The following BACH1 variants were observed in gnomAD, a reference collection of about 807,000 sequenced individuals.
BACH1 encodes the protein BTB domain and CNC homolog 1.
In BACH1, 35 loss-of-function variants were observed where a neutral mutation model predicts 52.9. That is an observed-to-expected ratio of 0.66 (90% CI 0.51 to 0.88). The LOEUF (loss-of-function observed/expected upper bound fraction) is 0.88. Ranked by LOEUF, BACH1 falls within the 40% of genes least tolerant of loss-of-function variation. The pLI is 0.00. For missense variants in BACH1, 808 were observed against 872.6 expected (o/e 0.93, Z 0.93); for synonymous variants, 321 against 319.6 (o/e 1.00, Z -0.05).
chr21:29,342,439 T>C lies in BACH1; in HGVS notation c.1817T>C (p.Ile606Thr). The C allele has an allele frequency of 6.2e-7, 1 of 1,614,136 alleles. No homozygotes were observed. ...AGCTTGTTGAAGGAAAGAGATCACA[T>C]TTTGTCAACTCTGGGTGAGACAAAG... ...KESLLKERDH[I>T]LSTLGETKQN... The change falls in exon 5 of 5, where the codon ATT (isoleucine) becomes ACT (threonine). Residue 606 changes from isoleucine (I) to threonine (T), a missense_variant. Coordinates refer to ENST00000286800, the MANE Select transcript of BACH1 (RefSeq NM_001186.4).
chr21:29,354,619 T>C (rs1441032823), intron 2 of BACH1, among the ~76,000 whole-genome samples: 5 of 152,220 alleles, frequency 3.3e-5, no homozygotes, highest in Non-Finnish European at 5.9e-5. Flanking sequence ...GGTTCCTTTC[T>C]TGAACAACAG....
chr21:29,341,707 A>G (rs192717456), intron 4 of BACH1, among the ~76,000 whole-genome samples: 6 of 152,346 alleles, frequency 3.9e-5, no homozygotes, highest in Admixed American at 3.3e-4. Context: ...GTCTCTAGGC[A>G]TCTTAAATTC....
intron 1 of BACH1, among the ~76,000 whole-genome samples, chr21:29,307,547 A>G (rs1460134900): frequency 6.6e-6 from 1 of 152,206 alleles, no homozygotes; most frequent in African/African-American, 2.4e-5. Flanking sequence ...TATTAAATAC[A>G]ATAGATATTT....
chr21:29,353,009 A>C (rs1347630764), intron 2 of BACH1, among the ~76,000 whole-genome samples: 1 of 151,938 alleles, frequency 6.6e-6, no homozygotes, highest in Non-Finnish European at 1.5e-5. Context: ...CACTGTGTCC[A>C]GCCTAATTTT....
chr21:29,317,947 A>G (rs145546520), intron 1 of BACH1, among the ~76,000 whole-genome samples: 137 of 152,088 alleles, frequency 9.0e-4, no homozygotes, highest in African/African-American at 3.2e-3. Context: ...CAGAGCTGGG[A>G]TTTGAACCCA....
At chr21:29,336,271 C>T (rs2089042826) in intron 4 of BACH1, among the ~76,000 whole-genome samples, 1 of 152,136 alleles carries the variant, frequency 6.6e-6, no homozygotes, top group Admixed American at 6.5e-5. Context: ...GTCATTTCTC[C>T]ATCCCTTTAC....
chr21:29,334,104 T>C (rs1361513257), intron 4 of BACH1, among the ~76,000 whole-genome samples: 1 of 151,688 alleles, frequency 6.6e-6, no homozygotes, highest in East Asian at 1.9e-4. Flanking sequence ...TTTTTTTTAT[T>C]TTTTTTATTT....
chr21:29,308,549 T>C (rs2088684685), intron 1 of BACH1, among the ~76,000 whole-genome samples: 2 of 152,130 alleles, frequency 1.3e-5, no homozygotes, highest in South Asian at 2.1e-4. Context: ...TGTGAGTTGG[T>C]GTATAGTTAG....
chr21:29,355,137 G>T (rs1393113047), intron 2 of BACH1, among the ~76,000 whole-genome samples: 1 of 152,170 alleles, frequency 6.6e-6, no homozygotes, highest in Admixed American at 6.5e-5. Flanking sequence ...CTGCTGATTG[G>T]TCCATTTTAC....
intron 2 of BACH1, among the ~76,000 whole-genome samples, chr21:29,355,906 T>G (rs182783984): frequency 5.9e-5 from 9 of 152,270 alleles, no homozygotes; most frequent in African/African-American, 2.2e-4. Context: ...TATCCCTGAC[T>G]GATTAGTGTA....
intron 2 of BACH1, among the ~76,000 whole-genome samples, chr21:29,352,883 T>C (rs967553538): frequency 8.5e-5 from 13 of 152,132 alleles, no homozygotes; most frequent in Non-Finnish European, 1.8e-4. Flanking sequence ...GGCTAATTTT[T>C]GTATTTTTTA....
intron 2 of BACH1, chr21:29,358,901 C>G (rs1387992638): frequency 6.6e-6 from 1 of 151,844 alleles, no homozygotes; most frequent in Non-Finnish European, 1.5e-5. Flanking sequence ...GGGAGTGAAA[C>G]TGGCATTCTA....
Position 29,324,231 on chromosome 21 carries a change from C to CAA in BACH1, c.235-1808_235-1807dup, listed in dbSNP as rs35915821. ...TGGGTGACAGAGAGAGACTCTGCCT[C>CAA]AAAAAAAAAAAAAAAAAAAAAGGAA... On this transcript the variant is annotated intron_variant, in intron 2 of 4. Transcript: ENST00000286800. Among the ~76,000 whole-genome samples, 132 of 63,098 alleles carry CAA rather than the reference C, an allele frequency of 2.1e-3. 2 individuals carry two copies. The highest frequency in any genetic ancestry group is 0.012 in the Middle Eastern group (1 of 86). The allele number at this position is 63,098 out of a possible 152,430, so 41.4% of individuals were successfully genotyped here. A position where few individuals can be genotyped will look rare whatever the true frequency, so the allele number is the denominator to read the frequency against.
intron 2 of BACH1, among the ~76,000 whole-genome samples, chr21:29,354,192 G>A (rs1229834624): frequency 2.6e-5 from 4 of 152,232 alleles, no homozygotes; most frequent in African/African-American, 7.2e-5. Context: ...GATGTTTGGT[G>A]TGGTTGCATG....
At chr21:29,299,180 C>A (rs1467038833) in intron 1 of BACH1, among the ~76,000 whole-genome samples, 1 of 151,552 alleles carries the variant, frequency 6.6e-6, no homozygotes, top group African/African-American at 2.4e-5. Context: ...GGCGTCCCGT[C>A]GGCGGCCGAA....
Position 29,321,384 on chromosome 21 carries a change from A to C in BACH1, c.104A>C (p.Asp35Ala). ...NDQRKKDVLC[D>A]VTIFVEGQRF... is the part of the protein sequence containing the mutation. Reference sequence around the variant, plus strand: ...CAGCGGAAGAAAGATGTGCTGTGCGATGTCACCATCTTTGTGGAGGGACAG... The same window carrying C: ...CAGCGGAAGAAAGATGTGCTGTGCGCTGTCACCATCTTTGTGGAGGGACAG... The change falls in exon 2 of 5, where the codon GAT becomes GCT. Residue 35 changes from aspartate to alanine, a missense_variant. Physicochemically the swap from Asp to Ala is moderately radical, Grantham distance 126. Transcript: ENST00000286800. The C allele has an allele frequency of 1.2e-6, 2 of 1,614,232 alleles. No homozygotes were observed. The highest frequency in any genetic ancestry group is 1.7e-6 in the Non-Finnish European group (2 of 1,180,042).
chr21:29,340,449 G>A (rs1188700327), intron 4 of BACH1, among the ~76,000 whole-genome samples: 1 of 152,156 alleles, frequency 6.6e-6, no homozygotes, highest in Non-Finnish European at 1.5e-5. Context: ...TGGGAGGAGT[G>A]AGAGTATTTA....
At chr21:29,300,371 C>A (rs1487035270) in intron 1 of BACH1, among the ~76,000 whole-genome samples, 1 of 152,200 alleles carries the variant, frequency 6.6e-6, no homozygotes, top group South Asian at 2.1e-4. Flanking sequence ...TGCAAATACT[C>A]TCATCACATG....
At chr21:29,319,009 C>T (rs2123430975) in intron 1 of BACH1, among the ~76,000 whole-genome samples, 1 of 152,250 alleles carries the variant, frequency 6.6e-6, no homozygotes, top group South Asian at 2.1e-4. Context: ...AATTCTCCAT[C>T]TTTGTCTTAT....
Sources: allele counts gnomAD v4.1 joint callset (sites outside exome capture counted in the v4.1 genomes callset), GRCh38; gene constraint gnomAD v4.1.1; transcripts MANE v1.5; gene names NCBI Gene and HGNC (gene_info 2026-07-23, HGNC 2026-07-21).